The following FBXO32 variants were observed in gnomAD, a reference collection of about 807,000 sequenced individuals.
FBXO32 encodes F-box protein 32, also known as F-box only protein 32.
Under a neutral mutation model 48.3 loss-of-function variants are expected in FBXO32, and 15 were observed. The ratio of observed to expected loss-of-function variants is 0.31; its 90% CI spans 0.21 to 0.48. The LOEUF (loss-of-function observed/expected upper bound fraction) is 0.48. Among genes scored for constraint, FBXO32 ranks in the 20% least tolerant of loss-of-function variants. The probability of loss-of-function intolerance (pLI) is 0.99; values close to 1 mark genes in which losing one functional copy is unlikely to be tolerated. For missense variants in FBXO32, 309 were observed against 432.7 expected (o/e 0.71, Z 2.54); for synonymous variants, 154 against 165.9 (o/e 0.93, Z 0.55).
In FBXO32 at chr8:123,513,309, C is replaced by T; in HGVS notation, c.540G>A (p.Leu180=). The part of the protein sequence containing the change: ...LQTLYTSLCT[L]VQRVGKSVLV... ...GCACAGACTTGCCGACTCTTTGGAC[C>T]AGTGTACATAAGGATGTGTAGAGGG... Residue 180 remains leucine, a synonymous_variant, in exon 6 of 9, where the codon CTG becomes CTA. Coordinates refer to ENST00000517956, the MANE Select transcript of FBXO32 (RefSeq NM_058229.4). The surrounding 1 kb of genome is among the most constrained non-coding windows in gnomAD (Gnocchi z 4.3). 1 of 1,614,200 alleles carries T rather than the reference C, an allele frequency of 6.2e-7. No individual in the cohort carries two copies. Among genetic ancestry groups the T allele is most frequent in the South Asian group, 1.1e-5 (1 of 91,082 alleles).
At position 123,533,121 on chromosome 8, in the gene FBXO32, C is replaced by T; in HGVS notation, c.279+70G>A. 7 of 1,187,174 alleles carry T rather than the reference C, an allele frequency of 5.9e-6. No individual in the cohort carries two copies. The South Asian group carries it at 9.0e-5, about 15-fold the overall frequency. 73.5% of individuals were successfully genotyped at this position (1,187,174 alleles called of 1,614,324 possible). ...GATCCGAAGTAATTTCCCTCCCTAC[C>T]ATATCCCTCCCTGCGCTATCAGGAA... On this transcript the variant is annotated intron_variant, in intron 3 of 8. Coordinates refer to ENST00000517956, the MANE Select transcript of FBXO32 (RefSeq NM_058229.4).
chr8:123,537,720 C>G (rs1817335834), intron 1 of FBXO32, among the ~76,000 whole-genome samples: 2 of 152,200 alleles, frequency 1.3e-5, no homozygotes, highest in South Asian at 4.1e-4. Context: ...GTATAACGCT[C>G]ATAGAACAGT....
At chr8:123,534,424 G>A (rs1417422498) in intron 2 of FBXO32, among the ~76,000 whole-genome samples, 2 of 152,116 alleles carry the variant, frequency 1.3e-5, no homozygotes, top group East Asian at 1.9e-4. Context: ...CCACATCACT[G>A]TAAAATAACC....
Position 123,501,364 on chromosome 8 carries a change from A to AAAAAAAAAAC in FBXO32, c.*1999_*2008dup, listed in dbSNP as rs56193974. On this transcript the variant is annotated 3_prime_UTR_variant, in exon 9 of 9. Transcript: ENST00000517956. ...ATTGGTTCAGGGGGAGAGGGATTGC[A>AAAAAAAAAAC]AAAAAAAAACAAAAAAAAACAAAAC... is the stretch of plus-strand genomic sequence containing the variant. 55,255 of 129,110 alleles carry AAAAAAAAAAC rather than the reference A, an allele frequency of 0.43. 11,386 individuals are homozygous for AAAAAAAAAAC. Among genetic ancestry groups the AAAAAAAAAAC allele is most frequent in the Middle Eastern group, 0.56 (143 of 254 alleles). The allele number at this position is 129,110 out of a possible 1,614,324, so 8.0% of individuals were successfully genotyped here.
In FBXO32 at chr8:123,540,191, C is replaced by A. The variant is rs1817384120; in HGVS notation, c.116+708G>T. Among the ~76,000 whole-genome samples the A allele has an allele frequency of 6.6e-6, 1 of 152,176 alleles. No homozygotes were observed. Among genetic ancestry groups the A allele is most frequent in the Non-Finnish European group, 1.5e-5 (1 of 68,028 alleles). ...TACAAAGCAGACCGACCGAGAGGGCCACCGAGGAAACAGGTGCAAGAGCCC... is the reference window on the plus strand; with the variant it reads ...TACAAAGCAGACCGACCGAGAGGGCAACCGAGGAAACAGGTGCAAGAGCCC... On this transcript the variant is annotated intron_variant, in intron 1 of 8. Transcript: ENST00000517956. The surrounding 1 kb of genome is among the most constrained non-coding windows in gnomAD (Gnocchi z 6.4).
At chr8:123,531,828 C>A in intron 4 of FBXO32, 70 bp downstream of exon 4, 1 of 1,576,176 alleles carries the variant, frequency 6.3e-7, no homozygotes, top group Non-Finnish European at 8.6e-7. Flanking sequence ...GAAACTACTT[C>A]AAGACAACCC....
At position 123,532,236 on chromosome 8, in the gene FBXO32, T is replaced by C. The variant is rs79957385; in HGVS notation, c.280-246A>G. 4.0e-3 allele frequency: 4,950 copies of C among 1,251,806 alleles called. 169 individuals are homozygous for C. The African/African-American group carries it at 0.071, about 18-fold the overall frequency. The allele number at this position is 1,251,806 out of a possible 1,614,324, so 77.5% of individuals were successfully genotyped here. A position where few individuals can be genotyped will look rare whatever the true frequency, so the allele number is the denominator to read the frequency against. On this transcript the variant is annotated intron_variant, in intron 3 of 8. Transcript: ENST00000517956. ...TCAAACACCCCCTTTTCGTGACTTG[T>C]ACCATTTGGGACCTTGCTTATAATT...
rs1448439495 is a variant in FBXO32 at position 123,530,978 on chromosome 8, T to C, written c.372+920A>G. Reference sequence around the variant, plus strand: ...AAGCAACAGATCCAGTCAGATTTTTTTTTTTTTTTTTTTTTTTTTACATGG... The same window carrying C: ...AAGCAACAGATCCAGTCAGATTTTTCTTTTTTTTTTTTTTTTTTTACATGG... On this transcript the variant is annotated intron_variant, in intron 4 of 8. Transcript: ENST00000517956. Among the ~76,000 whole-genome samples, 16 of 144,080 alleles carry C rather than the reference T, an allele frequency of 1.1e-4. 1 individual carries two copies. Among genetic ancestry groups the C allele is most frequent in the Non-Finnish European group, 7.6e-5 (5 of 65,700 alleles). 94.5% of individuals were successfully genotyped at this position (144,080 alleles called of 152,430 possible).
At chr8:123,515,867 C>T (rs1396661213) in intron 4 of FBXO32, among the ~76,000 whole-genome samples, 2 of 152,106 alleles carry the variant, frequency 1.3e-5, no homozygotes, top group Non-Finnish European at 2.9e-5. Flanking sequence ...TGGCACATGC[C>T]TGTGCTCCCA....
At chr8:123,518,750 C>T (rs998052867) in intron 4 of FBXO32, among the ~76,000 whole-genome samples, 1 of 152,206 alleles carries the variant, frequency 6.6e-6, no homozygotes, top group African/African-American at 2.4e-5. Context: ...GAAGTACTCA[C>T]CTAAAGCCAT....
intron 4 of FBXO32, among the ~76,000 whole-genome samples, chr8:123,530,277 A>G (rs1587001342): frequency 6.6e-6 from 1 of 152,168 alleles, no homozygotes; most frequent in African/African-American, 2.4e-5. Context: ...CCCAGATGAC[A>G]GGTGAAGGAT....
In FBXO32 at chr8:123,506,367, G is replaced by T; in HGVS notation, c.834+25C>A. 1 of 1,610,510 alleles carries T rather than the reference G, an allele frequency of 6.2e-7. No homozygotes were observed. Among genetic ancestry groups the T allele is most frequent in the East Asian group, 2.2e-5 (1 of 44,800 alleles). ...TGAGGGCCAGAGAAGGAGGGTGGGA[G>T]GAAAGCCCACTGGGCCTTGCTGACC... On this transcript the variant is annotated intron_variant, in intron 7 of 8. Coordinates refer to ENST00000517956, the MANE Select transcript of FBXO32 (RefSeq NM_058229.4). This position sits in a 1 kb window ranked among gnomAD's most constrained non-coding sequence, Gnocchi z 4.0.
chr8:123,534,791 T>C lies in FBXO32; in HGVS notation c.140A>G (p.Asn47Ser), dbSNP rs1464174912. Residue 47 changes from asparagine to serine, a missense_variant, in exon 2 of 9, where the codon AAT becomes AGT. Transcript: ENST00000517956. ...LSSYCNKEVY[N>S]KENLFNSLNY... ...CAGGCTGTTGAAAAGATTCTCCTTA[T>C]TGTATACCTCCTTGTTGCAGTAACT... 1.2e-6 allele frequency: 2 copies of C among 1,612,708 alleles called. No homozygotes were observed. The highest frequency in any genetic ancestry group is 2.2e-5 in the East Asian group (1 of 44,854).
At chr8:123,518,323 C>T (rs2130527065) in intron 4 of FBXO32, among the ~76,000 whole-genome samples, 1 of 152,260 alleles carries the variant, frequency 6.6e-6, no homozygotes, top group Non-Finnish European at 1.5e-5. Flanking sequence ...TTAGCTTTTA[C>T]CATAATACAG....
chr8:123,515,856 G>C (rs968173104), intron 4 of FBXO32, among the ~76,000 whole-genome samples: 1 of 152,098 alleles, frequency 6.6e-6, no homozygotes, highest in Non-Finnish European at 1.5e-5. Context: ...GCCGGGCATG[G>C]TGGCACATGC....
rs147310376 is a variant in FBXO32 at position 123,506,496 on chromosome 8, G to C, written c.730C>G (p.Arg244Gly). 1 of 1,614,018 alleles carries C rather than the reference G, an allele frequency of 6.2e-7. No homozygotes were observed. The highest frequency in any genetic ancestry group is 8.5e-7 in the Non-Finnish European group (1 of 1,179,964). The change falls in exon 7 of 9, where the codon CGG becomes GGG. Residue 244 changes from arginine to glycine, a missense_variant. Physicochemically the swap from Arg to Gly is moderately radical, Grantham distance 125. Coordinates refer to ENST00000517956, the MANE Select transcript of FBXO32 (RefSeq NM_058229.4). This position sits in a 1 kb window ranked among gnomAD's most constrained non-coding sequence, Gnocchi z 4.0. ...GCCTGGCCCAGGCTGACCAGGTCCC[G>C]CCCGTCGCTCAGCCTCTGCATGATG... ...LNIMQRLSDGRDLVSLGQAAP... is the reference protein window; with the variant it reads ...LNIMQRLSDGGDLVSLGQAAP...
intron 6 of FBXO32, among the ~76,000 whole-genome samples, chr8:123,508,828 A>C (rs1816681186): frequency 1.3e-5 from 2 of 152,238 alleles, no homozygotes; most frequent in Non-Finnish European, 2.9e-5. Context: ...TCCACTTGGC[A>C]GGGTTCACTC....
Position 123,540,839 on chromosome 8 carries a change from C to A in FBXO32, c.116+60G>T. Reference sequence around the variant, plus strand: ...TGCCCCTCATTCGCCGTCCCTGCGCCCCCCAGACCAGCCCGGGTCAGTTTC... The same window carrying A: ...TGCCCCTCATTCGCCGTCCCTGCGCACCCCAGACCAGCCCGGGTCAGTTTC... On this transcript the variant is annotated intron_variant, in intron 1 of 8. Coordinates refer to ENST00000517956, the MANE Select transcript of FBXO32 (RefSeq NM_058229.4). This position sits in a 1 kb window ranked among gnomAD's most constrained non-coding sequence, Gnocchi z 6.4. The A allele has an allele frequency of 7.0e-7, 1 of 1,424,010 alleles. No individual in the cohort carries two copies. The highest frequency in any genetic ancestry group is 9.8e-7 in the Non-Finnish European group (1 of 1,024,040). The allele number at this position is 1,424,010 out of a possible 1,614,324, so 88.2% of individuals were successfully genotyped here.
In FBXO32 at chr8:123,500,017, T is replaced by C. The variant is rs1816449019; in HGVS notation, c.*3356A>G. On this transcript the variant is annotated 3_prime_UTR_variant, in exon 9 of 9. Transcript: ENST00000517956. ...AAAAATCATCTCACAACTGATACAT[T>C]GGGGATGCTTTCACCTAATAGCTTT... 1 of 152,246 alleles carries C rather than the reference T, an allele frequency of 6.6e-6. No homozygotes were observed. The highest frequency in any genetic ancestry group is 2.1e-4 in the South Asian group (1 of 4,836). 9.4% of individuals were successfully genotyped at this position (152,246 alleles called of 1,614,324 possible).
Sources: gnomAD v4.1 joint callset for allele counts (sites outside exome capture counted in the v4.1 genomes callset) on GRCh38, gnomAD v4.1.1 for gene constraint, Gnocchi (gnomAD v3.1) non-coding constraint, MANE v1.5 for transcripts, NCBI Gene and HGNC (gene_info 2026-07-23, HGNC 2026-07-21) for gene names.